Variants in PIGN observed in about 807,000 individuals in gnomAD.
The protein encoded by PIGN is GPI ethanolamine phosphate transferase 1.
Under a neutral mutation model 125.4 loss-of-function variants are expected in PIGN, and 117 were observed. The observed-to-expected ratio is 0.93, with a 90% CI of 0.80 to 1.09. PIGN has a LOEUF of 1.09. Among genes scored for constraint, PIGN ranks in the 50% least tolerant of loss-of-function variants. The pLI, the probability that PIGN is intolerant of heterozygous loss-of-function variation, is 0.00. For synonymous variants in PIGN, 392 were observed against 377.8 expected (o/e 1.04, Z -0.44); for missense variants, 1,075 against 1,094.9 (o/e 0.98, Z 0.26).
intron 30 of PIGN, among the ~76,000 whole-genome samples, chr18:62,067,195 T>C (rs567705006): frequency 2.0e-5 from 3 of 152,324 alleles, no homozygotes; most frequent in Non-Finnish European, 4.4e-5. Flanking sequence ...ATATGACTTA[T>C]TACCTTTATG....
intron 30 of PIGN, among the ~76,000 whole-genome samples, chr18:62,054,358 T>G (rs1402950248): frequency 6.6e-6 from 1 of 151,036 alleles, no homozygotes; most frequent in East Asian, 1.9e-4. Flanking sequence ...ATCTGATAAA[T>G]TGGGCTTAAA....
intron 23 of PIGN, among the ~76,000 whole-genome samples, chr18:62,095,045 T>C (rs981204744): frequency 2.0e-5 from 3 of 152,202 alleles, no homozygotes; most frequent in Admixed American, 1.3e-4. Flanking sequence ...ACAAAATCAT[T>C]TGAACTGTGA....
intron 1 of PIGN, among the ~76,000 whole-genome samples, chr18:62,185,394 T>C (rs573208136): frequency 6.6e-6 from 1 of 152,306 alleles, no homozygotes; most frequent in Admixed American, 6.5e-5. Context: ...TATAAAAAAA[T>C]AGTTTAAATT....
intron 30 of PIGN, among the ~76,000 whole-genome samples, chr18:62,071,988 C>CATG (rs1568142475): frequency 6.9e-6 from 1 of 144,894 alleles, no homozygotes; most frequent in East Asian, 2.0e-4. Context: ...ATGACAGCTC[C>CATG]ATGCATGTTA....
intron 14 of PIGN, among the ~76,000 whole-genome samples, chr18:62,132,205 A>G (rs1456552242): frequency 6.6e-6 from 1 of 152,218 alleles, no homozygotes; most frequent in Non-Finnish European, 1.5e-5. Flanking sequence ...AAGTGATTAA[A>G]AAGAAATATA....
Position 62,106,857 on chromosome 18 carries a change from T to G in PIGN, c.1699A>C (p.Met567Leu). ...VLVLSFFYRY[M>L]LTAGLTAFAA... is the part of the protein sequence containing the mutation. ...AAGGCAGTAAGTCCAGCGGTAAGCA[T>G]ATAGCGGTAGAAAAAACTGAGAACC... The change falls in exon 19 of 31, where the codon ATG (methionine) becomes CTG (leucine). Residue 567 changes from methionine to leucine, a missense_variant. Transcript: ENST00000640252. 1 of 1,609,098 alleles carries G rather than the reference T, an allele frequency of 6.2e-7. No homozygotes were observed. Among genetic ancestry groups the G allele is most frequent in the Non-Finnish European group, 8.5e-7 (1 of 1,177,676 alleles).
Position 62,157,173 on chromosome 18 carries a change from G to T in PIGN, c.398C>A (p.Thr133Lys). The T allele has an allele frequency of 6.2e-7, 1 of 1,609,910 alleles. No homozygotes were observed. Among genetic ancestry groups the T allele is most frequent in the Non-Finnish European group, 8.5e-7 (1 of 1,177,364 alleles). Residue 133 changes from threonine (T) to lysine (K), a missense_variant, in exon 6 of 31, where the codon ACA becomes AAA. Physicochemically the swap from Thr to Lys is moderately conservative, Grantham distance 78. Transcript: ENST00000640252. ...FDSLFNESKY[T>K]WSWGSPDILP... ...GATATCTGGGCTTCCCCAGCTCCAT[G>T]TGTATTTACTTTCATTAAAAAGAGA... is the stretch of plus-strand genomic sequence containing the variant.
chr18:62,145,542 G>A (rs1349549308), intron 10 of PIGN, among the ~76,000 whole-genome samples: 2 of 152,078 alleles, frequency 1.3e-5, no homozygotes, highest in East Asian at 3.9e-4. Context: ...TGTTTGGGTT[G>A]AAAAATCTCA....
chr18:62,175,056 T>G (rs2037475932), intron 1 of PIGN, among the ~76,000 whole-genome samples: 1 of 129,956 alleles, frequency 7.7e-6, no homozygotes, highest in African/African-American at 2.7e-5. Context: ...TATATATTTT[T>G]ATATATAATA....
At position 62,157,196 on chromosome 18, in the gene PIGN, A is replaced by T. The variant is rs773864600; in HGVS notation, c.375T>A (p.Ser125=). The T allele has an allele frequency of 3.1e-6, 5 of 1,607,932 alleles. No homozygotes were observed. The highest frequency in any genetic ancestry group is 3.3e-5 in the Admixed American group (2 of 59,712). ...GWKENPVEFD[S]LFNESKYTWS... ...ATGTGTATTTACTTTCATTAAAAAGAGAATCAAACTCTACAGGATTTTCCT... is the reference window on the plus strand; with the variant it reads ...ATGTGTATTTACTTTCATTAAAAAGTGAATCAAACTCTACAGGATTTTCCT... The change falls in exon 6 of 31, where the codon TCT becomes TCA. Residue 125 remains serine (S), a synonymous_variant. Coordinates refer to ENST00000640252, the MANE Select transcript of PIGN (RefSeq NM_176787.5).
intron 23 of PIGN, among the ~76,000 whole-genome samples, chr18:62,031,716 C>T (rs562482298): frequency 2.1e-4 from 32 of 152,004 alleles, no homozygotes; most frequent in African/African-American, 7.7e-4. Context: ...TTTTTCTTTT[C>T]TGTTTTCATG....
intron 1 of PIGN, among the ~76,000 whole-genome samples, chr18:62,167,284 ATATGTGTGTGTGTGTG>A (rs1402670918): frequency 7.3e-5 from 10 of 136,106 alleles, no homozygotes; most frequent in African/African-American, 2.8e-4. Context: ...ATAGAGATAT[ATATGTGTGTGTGTGTG>A]TGTGTGTGTG....
At chr18:62,078,751 T>C (rs1278786555) in intron 28 of PIGN, among the ~76,000 whole-genome samples, 5 of 152,254 alleles carry the variant, frequency 3.3e-5, no homozygotes, top group Admixed American at 1.3e-4. Flanking sequence ...CTAGATCCTA[T>C]GAGTTTCCTC....
chr18:62,089,088 T>C (rs556408468), intron 24 of PIGN, among the ~76,000 whole-genome samples: 11 of 152,274 alleles, frequency 7.2e-5, no homozygotes, highest in African/African-American at 2.4e-4. Flanking sequence ...GCTATATGTG[T>C]AATAAAAGTG....
chr18:62,118,872 T>A (rs2035187059), intron 14 of PIGN, among the ~76,000 whole-genome samples: 1 of 145,480 alleles, frequency 6.9e-6, no homozygotes. Context: ...CAAGTCTTGA[T>A]GAGAAAAGAG....
chr18:62,142,914 A>G (rs62097176), intron 11 of PIGN, among the ~76,000 whole-genome samples: 36,143 of 152,116 alleles, frequency 0.24, 4,537 homozygotes, highest in Middle Eastern at 0.38. Context: ...TAAAGGTAAA[A>G]TATGTGTTAA....
At position 62,043,363 on chromosome 18, in the gene PIGN, T is replaced by C. The variant is rs1385973788; in HGVS notation, c.*2493A>G. ...AATCATGTTTTTAATGGCACAGTTATATGTCAAAAAGGAGGAGAAAAGGAG... is the reference window on the plus strand; with the variant it reads ...AATCATGTTTTTAATGGCACAGTTACATGTCAAAAAGGAGGAGAAAAGGAG... On this transcript the variant is annotated 3_prime_UTR_variant, in exon 31 of 31. Transcript: ENST00000640252. 1.3e-5 allele frequency: 2 copies of C among 152,168 alleles called. No homozygotes were observed. The highest frequency in any genetic ancestry group is 2.9e-5 in the Non-Finnish European group (2 of 68,040). 9.4% of individuals were successfully genotyped at this position (152,168 alleles called of 1,614,324 possible).
chr18:62,167,279 G>T lies in PIGN; in HGVS notation c.-235-3623C>A, dbSNP rs1187222112. 2.5e-4 allele frequency among the ~76,000 whole-genome samples: 26 copies of T among 105,228 alleles called. No homozygotes were observed. The East Asian group carries it at 6.5e-3, about 26-fold the overall frequency. The allele number at this position is 105,228 out of a possible 152,430, so 69.0% of individuals were successfully genotyped here. On this transcript the variant is annotated intron_variant, in intron 1 of 30. Coordinates refer to ENST00000640252, the MANE Select transcript of PIGN (RefSeq NM_176787.5). The stretch of plus-strand genomic sequence containing the variant: ...ATATATATAGATAGAGATATATAGA[G>T]ATATATATGTGTGTGTGTGTGTGTG...
intron 14 of PIGN, among the ~76,000 whole-genome samples, chr18:62,121,277 A>G (rs1354386045): frequency 6.6e-6 from 1 of 152,164 alleles, no homozygotes; most frequent in Non-Finnish European, 1.5e-5. Context: ...AGTAAGTCAC[A>G]TAAAGAGTTG....
Sources: gnomAD v4.1 joint callset for allele counts (sites outside exome capture counted in the v4.1 genomes callset) on GRCh38, gnomAD v4.1.1 for gene constraint, MANE v1.5 for transcripts, NCBI Gene and HGNC (gene_info 2026-07-23, HGNC 2026-07-21) for gene names.